Variants in MYOM2 observed in about 807,000 individuals in gnomAD.
MYOM2 encodes the protein myomesin 2, also known as myomesin-2.
A neutral mutation model predicts 187.6 loss-of-function variants in MYOM2; 254 were observed. That is an observed-to-expected ratio of 1.35 (90% CI 1.22 to 1.50). MYOM2 has a LOEUF of 1.50. MYOM2 is among the 40% of genes most tolerant of loss of function. MYOM2 has a pLI of 0.00. For missense variants in MYOM2, 2,796 were observed against 1,924.0 expected (o/e 1.45, Z -8.48); for synonymous variants, 981 against 753.8 (o/e 1.30, Z -4.94).
chr8:2,137,435 G>C (rs942133267), intron 32 of MYOM2, among the ~76,000 whole-genome samples: 3 of 151,998 alleles, frequency 2.0e-5, no homozygotes, highest in Admixed American at 2.0e-4. Flanking sequence ...GGCTTTGCAG[G>C]GCAGGGAAGC....
intron 13 of MYOM2, among the ~76,000 whole-genome samples, chr8:2,082,978 C>G (rs1264774479): frequency 2.0e-5 from 3 of 152,134 alleles, no homozygotes; most frequent in African/African-American, 7.2e-5. Context: ...AGTTCAGCCA[C>G]CCAGTAGCTG....
chr8:2,047,511 C>T (rs1049869971), intron 1 of MYOM2, among the ~76,000 whole-genome samples: 1 of 152,198 alleles, frequency 6.6e-6, no homozygotes, highest in Non-Finnish European at 1.5e-5. Flanking sequence ...TCTCCCGAGC[C>T]AGGAGCTCTA....
chr8:2,122,819 T>G (rs1467156378), intron 28 of MYOM2, among the ~76,000 whole-genome samples: 1 of 152,248 alleles, frequency 6.6e-6, no homozygotes, highest in Non-Finnish European at 1.5e-5. Context: ...TTTCATTTTC[T>G]TTGTGTCCCT....
At chr8:2,128,460 C>T (rs1797733042) in intron 31 of MYOM2, among the ~76,000 whole-genome samples, 1 of 152,242 alleles carries the variant, frequency 6.6e-6, no homozygotes, top group Non-Finnish European at 1.5e-5. Flanking sequence ...GGCTGAATAT[C>T]TGATAACAAT....
At chr8:2,065,014 C>T (rs971045573) in intron 6 of MYOM2, among the ~76,000 whole-genome samples, 7 of 152,172 alleles carry the variant, frequency 4.6e-5, no homozygotes, top group African/African-American at 1.4e-4. Flanking sequence ...ACTTTTGGTT[C>T]AGGAATTCAG....
At chr8:2,048,270 C>T (rs547707146) in intron 1 of MYOM2, among the ~76,000 whole-genome samples, 3 of 152,294 alleles carry the variant, frequency 2.0e-5, no homozygotes, top group Non-Finnish European at 2.9e-5. Context: ...GATAGGAAAC[C>T]GGATGGAAGC....
chr8:2,063,023 C>T (rs755010065), intron 6 of MYOM2, among the ~76,000 whole-genome samples: 8 of 152,230 alleles, frequency 5.3e-5, no homozygotes, highest in Non-Finnish European at 1.2e-4. Flanking sequence ...TAGGTCTCCT[C>T]TGATGGACTT....
In MYOM2 at chr8:2,059,253, T is replaced by C. The variant is rs748242754; in HGVS notation, c.653+8T>C. 1.2e-6 allele frequency: 2 copies of C among 1,612,946 alleles called. No individual in the cohort carries two copies. Among genetic ancestry groups the C allele is most frequent in the South Asian group, 2.2e-5 (2 of 91,026 alleles). On this transcript the variant is annotated splice_region_variant and intron_variant, in intron 6 of 36. Transcript: ENST00000262113. ...CACACTGGAGATCAACAGGTATGGC[T>C]GTGGTGGGGGCTCTGGACGCTGGCG...
intron 21 of MYOM2, among the ~76,000 whole-genome samples, chr8:2,104,104 G>A (rs1796813256): frequency 6.6e-6 from 1 of 151,670 alleles, no homozygotes; most frequent in Admixed American, 6.6e-5. Flanking sequence ...GCAGGAAGGA[G>A]GGCATTTTTT....
intron 17 of MYOM2, among the ~76,000 whole-genome samples, chr8:2,094,586 G>T (rs1796418221): frequency 6.6e-6 from 1 of 152,190 alleles, no homozygotes; most frequent in African/African-American, 2.4e-5. Flanking sequence ...GGGAGGCGGA[G>T]TTTGCAGTGA....
intron 32 of MYOM2, among the ~76,000 whole-genome samples, chr8:2,133,527 C>G (rs569514005): frequency 6.6e-6 from 1 of 152,350 alleles, no homozygotes; most frequent in South Asian, 2.1e-4. Flanking sequence ...GTGGCATGAT[C>G]TTTGCTCACT....
chr8:2,080,452 C>T (rs975692956), intron 13 of MYOM2, among the ~76,000 whole-genome samples: 2 of 152,164 alleles, frequency 1.3e-5, no homozygotes, highest in Non-Finnish European at 2.9e-5. Flanking sequence ...AATGTATGTC[C>T]CTATGTTTCC....
rs561473632 is a variant in MYOM2, at chr8:2,108,448, T to A, written c.2999-338T>A. ...AGTGCAATCAATTTTAGGAAAGAGC[T>A]CACATTAAGTGCAAGGATCTGGAAA... is the stretch of plus-strand genomic sequence containing the variant. On this transcript the variant is annotated intron_variant, in intron 23 of 36. Coordinates refer to ENST00000262113, the MANE Select transcript of MYOM2 (RefSeq NM_003970.4). Among the ~76,000 whole-genome samples, 7 of 152,228 alleles carry A rather than the reference T, an allele frequency of 4.6e-5. No individual in the cohort carries two copies. The East Asian group carries it at 1.2e-3, about 25-fold the overall frequency.
intron 11 of MYOM2, 26 bp from the exon 12 acceptor site, chr8:2,078,708 G>T (rs755028400): frequency 1.1e-5 from 17 of 1,611,496 alleles, no homozygotes; most frequent in Non-Finnish European, 1.4e-5. Flanking sequence ...GCTATTCTCT[G>T]TTGTTTTTCT....
intron 16 of MYOM2, among the ~76,000 whole-genome samples, chr8:2,092,945 C>T (rs973488996): frequency 2.6e-5 from 4 of 152,134 alleles, no homozygotes; most frequent in East Asian, 1.9e-4. Flanking sequence ...CCCCACCGGG[C>T]GCCGACTCTT....
At chr8:2,129,976 G>A (rs537120669) in intron 32 of MYOM2, among the ~76,000 whole-genome samples, 13 of 152,296 alleles carry the variant, frequency 8.5e-5, no homozygotes, top group African/African-American at 2.9e-4. Flanking sequence ...GAGCAGGGAC[G>A]GTGGCTTTTT....
chr8:2,052,407 G>C (rs1585816698), intron 3 of MYOM2, 94 bp downstream of exon 3: 2 of 1,354,558 alleles, frequency 1.5e-6, no homozygotes, highest in African/African-American at 1.5e-5. Context: ...CCTTAGCTGA[G>C]AGGGAAGATC....
chr8:2,112,230 G>C (rs748379567), intron 25 of MYOM2, among the ~76,000 whole-genome samples: 3 of 152,174 alleles, frequency 2.0e-5, no homozygotes, highest in Non-Finnish European at 2.9e-5. Flanking sequence ...CCTTCAATTA[G>C]AGGAGGACAG....
intron 32 of MYOM2, among the ~76,000 whole-genome samples, chr8:2,131,965 T>C (rs922488439): frequency 6.6e-6 from 1 of 152,164 alleles, no homozygotes; most frequent in Non-Finnish European, 1.5e-5. Flanking sequence ...TTTAACACCT[T>C]TATAACTAAA....
Sources: gnomAD v4.1 joint callset for allele counts (sites outside exome capture counted in the v4.1 genomes callset) on GRCh38, gnomAD v4.1.1 for gene constraint, MANE v1.5 for transcripts, NCBI Gene and HGNC (gene_info 2026-07-23, HGNC 2026-07-21) for gene names.